The following UNC5D variants were observed in gnomAD, a reference collection of about 807,000 sequenced individuals.
The protein encoded by UNC5D is netrin receptor UNC5D.
A neutral mutation model predicts 105.4 loss-of-function variants in UNC5D; 39 were observed. That is an observed-to-expected ratio of 0.37 (90% CI 0.29 to 0.48). The LOEUF is 0.48. UNC5D is among the 20% of genes least tolerant of loss of function. UNC5D has a pLI of 0.98. For synonymous variants in UNC5D, 452 were observed against 450.4 expected (o/e 1.00, Z -0.04); for missense variants, 991 against 1,202.4 (o/e 0.82, Z 2.60).
At chr8:35,335,278 C>G (rs1337266619) in intron 1 of UNC5D, among the ~76,000 whole-genome samples, 1 of 152,194 alleles carries the variant, frequency 6.6e-6, no homozygotes, top group Non-Finnish European at 1.5e-5. Flanking sequence ...TACTTTCAAT[C>G]TCTTGGCTAA....
intron 1 of UNC5D, among the ~76,000 whole-genome samples, chr8:35,275,650 C>G (rs1456889738): frequency 6.6e-6 from 1 of 152,180 alleles, no homozygotes; most frequent in African/African-American, 2.4e-5. Flanking sequence ...TACGTAGAAT[C>G]TAATCTTGTC....
intron 1 of UNC5D, among the ~76,000 whole-genome samples, chr8:35,427,004 A>T (rs569314849): frequency 6.6e-6 from 1 of 152,312 alleles, no homozygotes; most frequent in African/African-American, 2.4e-5. Flanking sequence ...ATGATGAACG[A>T]GTTGATTTTT....
rs539774284 is a variant in UNC5D at position 35,456,493 on chromosome 8, G to A, written c.104-92799G>A. Among the ~76,000 whole-genome samples the A allele has an allele frequency of 2.0e-5, 3 of 152,318 alleles. No individual in the cohort carries two copies. In the East Asian group the frequency reaches 5.8e-4, roughly 29 times the overall value. On this transcript the variant is annotated intron_variant, in intron 1 of 16. Coordinates refer to ENST00000404895, the MANE Select transcript of UNC5D (RefSeq NM_080872.4). ...GCTCCTTTTTGTGGATGCCTGAGCA[G>A]TTTAGCATTCATTTGCAGATTTTCA... is the stretch of plus-strand genomic sequence containing the variant.
At chr8:35,354,952 G>A (rs1801465613) in intron 1 of UNC5D, among the ~76,000 whole-genome samples, 1 of 152,128 alleles carries the variant, frequency 6.6e-6, no homozygotes. Context: ...TCACAGCACA[G>A]TGCTATCAGG....
rs373668413 is a variant in UNC5D, at chr8:35,659,175, G to T, written c.571-24372G>T. Among the ~76,000 whole-genome samples the T allele has an allele frequency of 1.7e-4, 26 of 152,182 alleles. No individual in the cohort carries two copies. The East Asian group carries it at 2.3e-3, about 14-fold the overall frequency. On this transcript the variant is annotated intron_variant, in intron 4 of 16. Transcript: ENST00000404895. ...GGAACAAAAGTAGAAGCTGATTTAT[G>T]AATTGAGAGTATGGAGTGTCAGATT... is the stretch of plus-strand genomic sequence containing the variant.
At chr8:35,244,787 G>T (rs1431167837) in intron 1 of UNC5D, among the ~76,000 whole-genome samples, 1 of 152,072 alleles carries the variant, frequency 6.6e-6, no homozygotes, top group Non-Finnish European at 1.5e-5. Flanking sequence ...GAGGTGGGAG[G>T]ATGGCTTGAG....
intron 7 of UNC5D, among the ~76,000 whole-genome samples, chr8:35,703,324 A>G (rs1193740360): frequency 1.3e-5 from 2 of 152,160 alleles, no homozygotes; most frequent in Admixed American, 1.3e-4. Flanking sequence ...ATCATGCTTA[A>G]TCAACAGTAG....
chr8:35,687,219 G>A (rs538093380), intron 7 of UNC5D, among the ~76,000 whole-genome samples: 11 of 152,134 alleles, frequency 7.2e-5, no homozygotes, highest in Admixed American at 2.0e-4. Flanking sequence ...CAAGGCAGGC[G>A]GATCGCGAGG....
intron 3 of UNC5D, among the ~76,000 whole-genome samples, chr8:35,576,170 T>C (rs560356802): frequency 1.2e-4 from 19 of 152,296 alleles, no homozygotes; most frequent in Admixed American, 1.3e-4. Context: ...GAGTTTTGAG[T>C]GATCAACAGC....
intron 1 of UNC5D, among the ~76,000 whole-genome samples, chr8:35,542,086 G>T (rs754224288): frequency 6.6e-6 from 1 of 152,134 alleles, no homozygotes; most frequent in African/African-American, 2.4e-5. Context: ...TGATGCAAAC[G>T]CAATGATATA....
intron 10 of UNC5D, chr8:35,726,754 C>A: frequency 1.5e-6 from 1 of 652,396 alleles, no homozygotes; most frequent in Non-Finnish European, 2.5e-6. Flanking sequence ...CCCTTTGATT[C>A]CCTGTTAGAG....
intron 1 of UNC5D, among the ~76,000 whole-genome samples, chr8:35,465,537 T>G (rs1304032933): frequency 6.6e-6 from 1 of 152,228 alleles, no homozygotes; most frequent in African/African-American, 2.4e-5. Flanking sequence ...AAAAGCCACA[T>G]AAGTCTCAAT....
chr8:35,398,457 C>A (rs1804237346), intron 1 of UNC5D, among the ~76,000 whole-genome samples: 1 of 151,896 alleles, frequency 6.6e-6, no homozygotes, highest in Non-Finnish European at 1.5e-5. Context: ...CAGCACCCTA[C>A]AGAGCTAGTA....
chr8:35,659,223 A>G (rs1267388540), intron 4 of UNC5D, among the ~76,000 whole-genome samples: 3 of 152,170 alleles, frequency 2.0e-5, no homozygotes, highest in Non-Finnish European at 4.4e-5. Flanking sequence ...TTGTATATTA[A>G]ATCTAATGAA....
At chr8:35,562,884 A>G (rs1288856964) in intron 2 of UNC5D, among the ~76,000 whole-genome samples, 2 of 152,036 alleles carry the variant, frequency 1.3e-5, no homozygotes, top group African/African-American at 2.4e-5. Flanking sequence ...TTTTGCCTCA[A>G]CCAGTGTCCT....
intron 3 of UNC5D, among the ~76,000 whole-genome samples, chr8:35,568,617 A>T (rs915564595): frequency 6.6e-6 from 1 of 152,206 alleles, no homozygotes; most frequent in Non-Finnish European, 1.5e-5. Flanking sequence ...TGAACCCAGG[A>T]GGTGGAGGTT....
At chr8:35,528,516 T>C (rs1490350392) in intron 1 of UNC5D, among the ~76,000 whole-genome samples, 1 of 146,632 alleles carries the variant, frequency 6.8e-6, no homozygotes, top group Non-Finnish European at 1.5e-5. Flanking sequence ...TACGTGTGCA[T>C]GTGTCTTTAT....
intron 4 of UNC5D, among the ~76,000 whole-genome samples, chr8:35,638,128 T>C (rs1308707650): frequency 6.6e-6 from 1 of 152,186 alleles, no homozygotes; most frequent in Non-Finnish European, 1.5e-5. Flanking sequence ...ATTATTTGCT[T>C]TTAAAATTCA....
chr8:35,694,157 G>T (rs192887740), intron 7 of UNC5D, among the ~76,000 whole-genome samples: 1 of 152,190 alleles, frequency 6.6e-6, no homozygotes, highest in Admixed American at 6.5e-5. Flanking sequence ...GCTCGTCGGT[G>T]AGAGTGCAAA....
Sources: allele counts gnomAD v4.1 joint callset (sites outside exome capture counted in the v4.1 genomes callset), GRCh38; gene constraint gnomAD v4.1.1; transcripts MANE v1.5; gene names NCBI Gene and HGNC (gene_info 2026-07-23, HGNC 2026-07-21).